Variants in UGT1A5 observed in about 807,000 individuals in gnomAD.
The protein encoded by UGT1A5 is UDP glucuronosyltransferase family 1 member A5.
UGT1A5 carries 29 observed loss-of-function variants against 40.3 expected under a neutral mutation model. The ratio of observed to expected loss-of-function variants is 0.72; its 90% CI spans 0.54 to 0.98. The LOEUF (loss-of-function observed/expected upper bound fraction) is 0.98, where lower values mean the gene tolerates loss of function less well. UGT1A5 is among the 50% of genes least tolerant of loss of function. The probability of loss-of-function intolerance (pLI) is 0.00; values close to 1 mark genes in which losing one functional copy is unlikely to be tolerated. For missense variants in UGT1A5, 678 were observed against 677.9 expected, an observed-to-expected ratio of 1.00 and a Z score of 0.00; for synonymous variants, 257 against 262.5, an observed-to-expected ratio of 0.98 and a Z score of 0.20.
intron 1 of UGT1A5, among the ~76,000 whole-genome samples, chr2:233,720,072 T>C (rs1018749083): frequency 5.9e-5 from 9 of 152,264 alleles, no homozygotes; most frequent in African/African-American, 9.6e-5. Flanking sequence ...TAAATTAGAA[T>C]TGTGGACATG....
In UGT1A5 at chr2:233,767,157, C is replaced by T; in HGVS notation, c.991C>T (p.Pro331Ser). The T allele has an allele frequency of 3.1e-6, 5 of 1,614,012 alleles. No homozygotes were observed. Among genetic ancestry groups the T allele is most frequent in the Non-Finnish European group, 4.2e-6 (5 of 1,179,992 alleles). Reference protein sequence around the residue: ...MAIADALGKIPQTVLWRYTGT... With the variant: ...MAIADALGKISQTVLWRYTGT... ...AATTGCTGATGCTTTGGGCAAAATC[C>T]CTCAGACAGTAAGAAGATTCTATAC... The change falls in exon 2 of 5, where the codon CCT becomes TCT. Residue 331 changes from proline to serine, a missense_variant. Coordinates refer to ENST00000373414, the MANE Select transcript of UGT1A5 (RefSeq NM_019078.2).
At chr2:233,750,158 G>A (rs1271989660) in intron 1 of UGT1A5, among the ~76,000 whole-genome samples, 2 of 151,878 alleles carry the variant, frequency 1.3e-5, no homozygotes, top group Non-Finnish European at 2.9e-5. Flanking sequence ...TTGTTGAATG[G>A]TTTTGACCAA....
At chr2:233,730,412 A>G (rs2078028510) in intron 1 of UGT1A5, among the ~76,000 whole-genome samples, 1 of 152,204 alleles carries the variant, frequency 6.6e-6, no homozygotes, top group Non-Finnish European at 1.5e-5. Flanking sequence ...AATTGTTGAC[A>G]TGATAATTTT....
At chr2:233,763,858 C>A (rs577598991) in intron 1 of UGT1A5, among the ~76,000 whole-genome samples, 1 of 152,130 alleles carries the variant, frequency 6.6e-6, no homozygotes, top group Admixed American at 6.5e-5. Flanking sequence ...GGTTCACAGA[C>A]AATCGCAATG....
intron 1 of UGT1A5, among the ~76,000 whole-genome samples, chr2:233,728,362 AC>A (rs1475063601): frequency 1.3e-5 from 2 of 152,120 alleles, no homozygotes; most frequent in East Asian, 3.9e-4. Flanking sequence ...AGCTCCCTGA[AC>A]CCACCATGGG....
At position 233,743,070 on chromosome 2, in the gene UGT1A5, T is replaced by G. The variant is rs1338507367; in HGVS notation, c.868-23964T>G. 11 of 339,422 alleles carry G rather than the reference T, an allele frequency of 3.2e-5. No homozygotes were observed. The Admixed American group carries it at 4.5e-4, about 14-fold the overall frequency. 21.0% of individuals were successfully genotyped at this position (339,422 alleles called of 1,614,324 possible). A position where few individuals can be genotyped will look rare whatever the true frequency, so the allele number is the denominator to read the frequency against. On this transcript the variant is annotated intron_variant, in intron 1 of 4. Transcript: ENST00000373414. ...TAGTCCCAACGATAAGAACAGGTGT[T>G]GGCATGAAGTGTTTATAAATTCTTG...
chr2:233,719,001 C>T (rs199607987), intron 1 of UGT1A5: 45 of 1,614,084 alleles, frequency 2.8e-5, no homozygotes, highest in African/African-American at 4.0e-5. Context: ...GGCGGTGGTC[C>T]TCACCCCAGA....
At chr2:233,738,135 C>T (rs965313683) in intron 1 of UGT1A5, among the ~76,000 whole-genome samples, 2 of 152,178 alleles carry the variant, frequency 1.3e-5, no homozygotes, top group African/African-American at 4.8e-5. Context: ...GGGCCCTTAT[C>T]CCTTCACTTG....
chr2:233,730,715 T>G (rs1367168095), intron 1 of UGT1A5, among the ~76,000 whole-genome samples: 4 of 152,064 alleles, frequency 2.6e-5, no homozygotes, highest in Non-Finnish European at 4.4e-5. Flanking sequence ...AATGCTGAAA[T>G]TATCAAGAAA....
At chr2:233,746,286 G>A (rs1374817332) in intron 1 of UGT1A5, among the ~76,000 whole-genome samples, 1 of 151,716 alleles carries the variant, frequency 6.6e-6, no homozygotes, top group Non-Finnish European at 1.5e-5. Context: ...TTCAAGGAAG[G>A]TGGCTTTGTT....
At position 233,768,261 on chromosome 2, in the gene UGT1A5, C is replaced by T; in HGVS notation, c.1129C>T (p.His377Tyr). The change falls in exon 4 of 5, where the codon CAT becomes TAT. Residue 377 changes from histidine to tyrosine, a missense_variant. His to Tyr is a moderately conservative substitution (Grantham distance 83). Coordinates refer to ENST00000373414, the MANE Select transcript of UGT1A5 (RefSeq NM_019078.2). ...TRAFITHAGS[H>Y]GVYESICNGV... ...TGCCTTTATCACCCATGCTGGTTCC[C>T]ATGGTGTTTATGAAAGCATATGCAA... 6.8e-6 allele frequency: 11 copies of T among 1,614,164 alleles called. No individual in the cohort carries two copies. Among genetic ancestry groups the T allele is most frequent in the Non-Finnish European group, 9.3e-6 (11 of 1,180,032 alleles).
At chr2:233,760,232 C>CTA (rs1697356426) in intron 1 of UGT1A5, 1 of 1,429,076 alleles carries the variant, frequency 7.0e-7, no homozygotes, top group Non-Finnish European at 9.5e-7. Flanking sequence ...TTGGTTTTTG[C>CTA]CATATATATA....
intron 1 of UGT1A5, chr2:233,760,741 C>G: frequency 6.2e-7 from 1 of 1,614,110 alleles, no homozygotes; most frequent in South Asian, 1.1e-5. Context: ...GCTGACGGAC[C>G]CTTTCCTTCC....
At chr2:233,762,823 A>T (rs1219998858) in intron 1 of UGT1A5, among the ~76,000 whole-genome samples, 1 of 151,946 alleles carries the variant, frequency 6.6e-6, no homozygotes, top group East Asian at 1.9e-4. Context: ...ATTGATTTTC[A>T]TAATAAAAAA....
At chr2:233,737,874 C>A (rs1441437584) in intron 1 of UGT1A5, among the ~76,000 whole-genome samples, 1 of 152,148 alleles carries the variant, frequency 6.6e-6, no homozygotes, top group East Asian at 1.9e-4. Flanking sequence ...AAGAATTCCA[C>A]ATTAACAAAG....
intron 1 of UGT1A5, chr2:233,760,598 C>A (rs1373476296): frequency 6.2e-7 from 1 of 1,614,208 alleles, no homozygotes; most frequent in East Asian, 2.2e-5. Context: ...GAGAATGATT[C>A]TTTCCTGCAG....
intron 1 of UGT1A5, 98 bp from the exon 2 acceptor site, chr2:233,766,936 A>C: frequency 6.3e-7 from 1 of 1,586,086 alleles, no homozygotes; most frequent in Admixed American, 1.8e-5. Flanking sequence ...GCCTTTAATC[A>C]TAGTCTTAAG....
At chr2:233,760,585 T>A (rs2125986328) in intron 1 of UGT1A5, 2 of 1,614,208 alleles carry the variant, frequency 1.2e-6, no homozygotes, top group Non-Finnish European at 8.5e-7. Flanking sequence ...GCATAATGTT[T>A]TTGAGAATGA....
At chr2:233,718,834 T>A in intron 1 of UGT1A5, 1 of 1,613,600 alleles carries the variant, frequency 6.2e-7, no homozygotes, top group Non-Finnish European at 8.5e-7. Context: ...GCCAGAGGAC[T>A]CCAGGTTCCC....
Sources: gnomAD v4.1 joint callset for allele counts (sites outside exome capture counted in the v4.1 genomes callset) on GRCh38, gnomAD v4.1.1 for gene constraint, MANE v1.5 for transcripts, NCBI Gene and HGNC (gene_info 2026-07-23, HGNC 2026-07-21) for gene names.